Variants in TMEM132D observed in about 807,000 individuals in gnomAD.
TMEM132D encodes mature OL transmembrane protein.
TMEM132D carries 21 observed loss-of-function variants against 62.3 expected under a neutral mutation model. That is an observed-to-expected ratio of 0.34 (90% CI 0.24 to 0.49). The LOEUF is 0.49. Ranked by LOEUF, TMEM132D falls within the 20% of genes least tolerant of loss-of-function variation. The pLI is 0.99. For missense variants in TMEM132D, 1,346 were observed against 1,402.8 expected (o/e 0.96, Z 0.65); for synonymous variants, 621 against 575.6 (o/e 1.08, Z -1.13).
intron 5 of TMEM132D, among the ~76,000 whole-genome samples, chr12:129,143,429 C>A (rs1476025203): frequency 6.6e-6 from 1 of 152,106 alleles, no homozygotes; most frequent in Non-Finnish European, 1.5e-5. Context: ...CTCCCTGAGC[C>A]CAGGCCTCAG....
At chr12:129,219,511 G>T (rs1409255087) in intron 4 of TMEM132D, among the ~76,000 whole-genome samples, 3 of 152,180 alleles carry the variant, frequency 2.0e-5, no homozygotes, top group Non-Finnish European at 4.4e-5. Flanking sequence ...GCGTATAAGG[G>T]CACCGGAGAC....
intron 4 of TMEM132D, among the ~76,000 whole-genome samples, chr12:129,272,680 T>C (rs777933383): frequency 1.0e-3 from 157 of 151,884 alleles, no homozygotes; most frequent in Admixed American, 4.6e-4. Context: ...TTTTAGATAT[T>C]AGACCTTAAT....
At chr12:129,782,879 A>G (rs1871159425) in intron 1 of TMEM132D, among the ~76,000 whole-genome samples, 1 of 152,200 alleles carries the variant, frequency 6.6e-6, no homozygotes, top group African/African-American at 2.4e-5. Flanking sequence ...TGGCACCTTA[A>G]CACTTTTTTT....
At chr12:129,324,015 T>G (rs1408128940) in intron 4 of TMEM132D, among the ~76,000 whole-genome samples, 1 of 152,246 alleles carries the variant, frequency 6.6e-6, no homozygotes, top group Non-Finnish European at 1.5e-5. Flanking sequence ...CCTGTGATTT[T>G]TTGGCTGAGG....
In TMEM132D at chr12:129,586,135, A is replaced by G. The variant is rs541641151; in HGVS notation, c.969-54930T>C. ...GTTCACCTTAGTTCTTCCTGCCTCC[A>G]TTCACAGGACTACGAAAGCTCCCAG... is the stretch of plus-strand genomic sequence containing the variant. On this transcript the variant is annotated intron_variant, in intron 2 of 8. Coordinates refer to ENST00000422113, the MANE Select transcript of TMEM132D (RefSeq NM_133448.3). Among the ~76,000 whole-genome samples, 117 of 150,516 alleles carry G rather than the reference A, an allele frequency of 7.8e-4. 1 individual carries two copies. The highest frequency in any genetic ancestry group is 2.9e-3 in the African/African-American group (115 of 39,870).
In TMEM132D at chr12:129,078,668, C is replaced by T. The variant is rs772287209; in HGVS notation, c.1981G>A (p.Glu661Lys). ...LAEKTITVLD[E>K]KVTITDLGVQ... ...CCGAGGTCTGTGATGGTCACCTTCT[C>T]GTCCAGCACAGTGATGGTCTTTTCA... Residue 661 changes from glutamate to lysine, a missense_variant, in exon 8 of 9, where the codon GAG becomes AAG. Physicochemically the swap from Glu to Lys is moderately conservative, Grantham distance 56. Transcript: ENST00000422113. 9 of 1,614,186 alleles carry T rather than the reference C, an allele frequency of 5.6e-6. No homozygotes were observed. The highest frequency in any genetic ancestry group is 2.7e-5 in the African/African-American group (2 of 75,052).
In TMEM132D at chr12:129,451,076, C is replaced by T. The variant is rs975897936; in HGVS notation, c.1115+79983G>A. The stretch of plus-strand genomic sequence containing the variant: ...CGCGCCCGGCCAATTTTCATCACTT[C>T]TTATGAGGCCTCCTTGGGCTCTGGA... On this transcript the variant is annotated intron_variant, in intron 3 of 8. Coordinates refer to ENST00000422113, the MANE Select transcript of TMEM132D (RefSeq NM_133448.3). Among the ~76,000 whole-genome samples the T allele has an allele frequency of 2.0e-5, 3 of 152,154 alleles. No homozygotes were observed. The South Asian group carries it at 6.2e-4, about 31-fold the overall frequency.
intron 5 of TMEM132D, chr12:129,112,936 G>A (rs1026800908): frequency 3.9e-5 from 6 of 152,280 alleles, no homozygotes; most frequent in African/African-American, 1.4e-4. Flanking sequence ...ACTGTGTGAA[G>A]TGTCCCATAG....
chr12:129,605,206 C>T (rs1878583537), intron 2 of TMEM132D, among the ~76,000 whole-genome samples: 1 of 152,144 alleles, frequency 6.6e-6, no homozygotes, highest in Admixed American at 6.5e-5. Flanking sequence ...AAAAACCCAT[C>T]AGTGTGCCAC....
At chr12:129,281,265 C>A (rs532673121) in intron 4 of TMEM132D, among the ~76,000 whole-genome samples, 5 of 152,228 alleles carry the variant, frequency 3.3e-5, no homozygotes, top group South Asian at 2.1e-4. Flanking sequence ...CTTTATCTTA[C>A]CCCCACTTCA....
intron 5 of TMEM132D, among the ~76,000 whole-genome samples, chr12:129,201,919 G>C (rs1307942281): frequency 6.6e-6 from 1 of 152,010 alleles, no homozygotes; most frequent in Admixed American, 6.5e-5. Context: ...GTTGATGTAG[G>C]TGGCATTTCC....
intron 3 of TMEM132D, among the ~76,000 whole-genome samples, chr12:129,342,957 A>C (rs1368928739): frequency 2.0e-5 from 3 of 152,180 alleles, no homozygotes; most frequent in Non-Finnish European, 4.4e-5. Context: ...GAGAAATAGG[A>C]ACACTTTTAC....
At chr12:129,472,360 C>T (rs1874116821) in intron 3 of TMEM132D, among the ~76,000 whole-genome samples, 1 of 152,128 alleles carries the variant, frequency 6.6e-6, no homozygotes, top group Admixed American at 6.5e-5. Flanking sequence ...CTCATGTTCT[C>T]ACTCATAAGT....
intron 5 of TMEM132D, among the ~76,000 whole-genome samples, chr12:129,122,685 C>T (rs188340897): frequency 6.6e-6 from 1 of 152,334 alleles, no homozygotes; most frequent in East Asian, 1.9e-4. Context: ...CTTCGTAAGA[C>T]ATGAATTCCT....
intron 2 of TMEM132D, among the ~76,000 whole-genome samples, chr12:129,537,158 T>TTAAA (rs551400531): frequency 8.7e-6 from 1 of 114,354 alleles, no homozygotes; most frequent in East Asian, 2.7e-4. Flanking sequence ...AAACTCTGTC[T>TTAAA]AAAAAAAAAA....
chr12:129,247,415 G>C (rs1880151937), intron 4 of TMEM132D, among the ~76,000 whole-genome samples: 1 of 152,192 alleles, frequency 6.6e-6, no homozygotes, highest in African/African-American at 2.4e-5. Context: ...GCACACGACA[G>C]TCTATCTACC....
intron 1 of TMEM132D, among the ~76,000 whole-genome samples, chr12:129,753,562 A>T (rs757114855): frequency 1.3e-5 from 2 of 152,234 alleles, no homozygotes; most frequent in Non-Finnish European, 2.9e-5. Flanking sequence ...AAATAATTTA[A>T]AATGCTTTTC....
chr12:129,724,970 A>G (rs1329251197), intron 1 of TMEM132D, among the ~76,000 whole-genome samples: 2 of 152,168 alleles, frequency 1.3e-5, no homozygotes, highest in Non-Finnish European at 2.9e-5. Context: ...TCAATGAGCT[A>G]TTGATGAAAC....
chr12:129,874,709 T>C (rs1820484113), intron 1 of TMEM132D, among the ~76,000 whole-genome samples: 1 of 147,946 alleles, frequency 6.8e-6, no homozygotes, highest in African/African-American at 2.5e-5. Context: ...TCTTTTTTTT[T>C]TTTTTTTTTG....
Sources: allele counts gnomAD v4.1 joint callset (sites outside exome capture counted in the v4.1 genomes callset), GRCh38; gene constraint gnomAD v4.1.1; transcripts MANE v1.5; gene names NCBI Gene and HGNC (gene_info 2026-07-23, HGNC 2026-07-21).